The following RDX variants were observed in gnomAD, a reference collection of about 807,000 sequenced individuals.
RDX encodes radixin.
Under a neutral mutation model 83.7 loss-of-function variants are expected in RDX, and 32 were observed. The observed-to-expected ratio is 0.38, with a 90% confidence interval of 0.29 to 0.51. The LOEUF (loss-of-function observed/expected upper bound fraction) is 0.51. Among genes scored for constraint, RDX ranks in the 20% least tolerant of loss-of-function variants. RDX has a pLI of 0.87. For missense variants in RDX, 600 were observed against 689.9 expected (o/e 0.87, Z 1.46); for synonymous variants, 229 against 222.7 (o/e 1.03, Z -0.25).
intron 15 of RDX, among the ~76,000 whole-genome samples, chr11:110,198,487 T>C (rs1041311825): frequency 1.3e-4 from 20 of 152,208 alleles, no homozygotes; most frequent in Non-Finnish European, 2.8e-4. Flanking sequence ...CTGGGTGGCA[T>C]AGCAAAAGCT....
At chr11:110,191,828 C>G (rs2039021236) in intron 15 of RDX, among the ~76,000 whole-genome samples, 2 of 152,106 alleles carry the variant, frequency 1.3e-5, no homozygotes, top group South Asian at 4.2e-4. Context: ...TGTACTCCAG[C>G]CTGGGTGACA....
rs7941769 is a variant in RDX at position 110,187,414 on chromosome 11, G to A, written c.*31+12167C>T. On this transcript the variant is annotated intron_variant, in intron 15 of 15. Coordinates refer to the RDX transcript ENST00000528498. ...GCTTCATGCCCAGGCAGATCTCCAGGCATATAGAGCACCTTCCTACCCAGA... is the reference window on the plus strand; with the variant it reads ...GCTTCATGCCCAGGCAGATCTCCAGACATATAGAGCACCTTCCTACCCAGA... Among the ~76,000 whole-genome samples, 533 of 152,244 alleles carry A rather than the reference G, an allele frequency of 3.5e-3. 5 individuals carry two copies. The highest frequency in any genetic ancestry group is 0.012 in the African/African-American group (511 of 41,520).
chr11:110,233,578 G>A, intron 12 of RDX, 99 bp from the exon 13 acceptor site: 4 of 1,322,024 alleles, frequency 3.0e-6, no homozygotes, highest in Non-Finnish European at 3.2e-6. Flanking sequence ...GTATTTCAAG[G>A]TAATGAAAAT....
intron 6 of RDX, 62 bp downstream of exon 6, chr11:110,258,044 T>G: frequency 2.7e-6 from 4 of 1,467,752 alleles, no homozygotes; most frequent in Non-Finnish European, 3.8e-6. Flanking sequence ...TAATAATAAA[T>G]GTTACGACAT....
intron 5 of RDX, among the ~76,000 whole-genome samples, chr11:110,262,899 T>C (rs748378014): frequency 2.6e-5 from 4 of 152,208 alleles, no homozygotes; most frequent in Admixed American, 6.5e-5. Context: ...ATAGCCATTA[T>C]AGAAGCAGCA....
At chr11:110,271,755 C>A (rs1202727940) in intron 3 of RDX, among the ~76,000 whole-genome samples, 5 of 152,050 alleles carry the variant, frequency 3.3e-5, no homozygotes. Flanking sequence ...GATACCTGAC[C>A]TCCATATCCC....
At chr11:110,291,691 T>C (rs1591192399) in intron 1 of RDX, among the ~76,000 whole-genome samples, 2 of 152,216 alleles carry the variant, frequency 1.3e-5, no homozygotes, top group South Asian at 2.1e-4. Flanking sequence ...CCTGGCTCCT[T>C]TGCAGCAGCC....
chr11:110,201,668 A>C (rs961552776), intron 14 of RDX, among the ~76,000 whole-genome samples: 8 of 152,234 alleles, frequency 5.3e-5, no homozygotes, highest in African/African-American at 1.9e-4. Flanking sequence ...GGGTTAGAAT[A>C]TATATCAAGT....
chr11:110,224,761 C>T (rs1304653841), downstream of RDX, among the ~76,000 whole-genome samples: 1 of 152,182 alleles, frequency 6.6e-6, no homozygotes, highest in Non-Finnish European at 1.5e-5. Flanking sequence ...GAGCAAATTA[C>T]ACTTAGACAT....
chr11:110,288,552 T>C (rs1260560067), intron 1 of RDX, among the ~76,000 whole-genome samples: 1 of 152,210 alleles, frequency 6.6e-6, no homozygotes, highest in Non-Finnish European at 1.5e-5. Flanking sequence ...AATTCTACCC[T>C]TAATGTGCTT....
Position 110,279,773 on chromosome 11 carries a change from AGC to A in RDX, c.-64-19_-64-18del. On this transcript the variant is annotated intron_variant, in intron 1 of 13. Coordinates refer to ENST00000645495, the MANE Select transcript of RDX (RefSeq NM_002906.4). ...TATCACTTTCTGTTAAAAAAAAAAA[AGC>A]ATAATCTATTATCTTTTTATATAAG... is the stretch of plus-strand genomic sequence containing the variant. 8 of 767,714 alleles carry A rather than the reference AGC, an allele frequency of 1.0e-5. No individual in the cohort carries two copies. The highest frequency in any genetic ancestry group is 1.8e-5 in the Non-Finnish European group (8 of 455,114). 47.6% of individuals were successfully genotyped at this position (767,714 alleles called of 1,614,324 possible). A position where few individuals can be genotyped will look rare whatever the true frequency, so the allele number is the denominator to read the frequency against.
rs540535230 is a variant in RDX at position 110,295,731 on chromosome 11, T to C, written c.-65+736A>G. 3.4e-4 allele frequency among the ~76,000 whole-genome samples: 51 copies of C among 151,522 alleles called. 2 individuals carry two copies. In the South Asian group the frequency reaches 5.6e-3, roughly 17 times the overall value. On this transcript the variant is annotated intron_variant, in intron 1 of 13. Transcript: ENST00000645495. ...AATCCTTTAAAGGAAAAGAGGGATATCATGTACTGAACTTGTCTGGTGGGG... is the reference window on the plus strand; with the variant it reads ...AATCCTTTAAAGGAAAAGAGGGATACCATGTACTGAACTTGTCTGGTGGGG...
intron 15 of RDX, among the ~76,000 whole-genome samples, chr11:110,196,461 A>G (rs550051170): frequency 2.0e-5 from 3 of 152,368 alleles, no homozygotes; most frequent in African/African-American, 4.8e-5. Context: ...GGAGTCTCAC[A>G]TATAGATTTT....
chr11:110,257,667 G>T, intron 7 of RDX, 100 bp downstream of exon 7: 1 of 1,186,434 alleles, frequency 8.4e-7, no homozygotes, highest in African/African-American at 1.5e-5. Flanking sequence ...AATAGTAAGG[G>T]TAATCAAGAC....
chr11:110,281,528 T>C (rs1860760591), intron 1 of RDX, among the ~76,000 whole-genome samples: 1 of 152,180 alleles, frequency 6.6e-6, no homozygotes, highest in Non-Finnish European at 1.5e-5. Context: ...GGTTTCATCA[T>C]GTTGGCCAGG....
chr11:110,213,106 T>C (rs1863902231), intron 14 of RDX, among the ~76,000 whole-genome samples: 1 of 151,734 alleles, frequency 6.6e-6, no homozygotes, highest in South Asian at 2.1e-4. Context: ...CAGCCCCAAA[T>C]CTCCTTAAGC....
In RDX at chr11:110,279,729, CCACTT is replaced by C. The variant is rs753722542; in HGVS notation, c.-42_-38del. ...TTTTGTTACCTTCTTTAAAAATTCT[CCACTT>C]CAATGAATTCTGTTATCACTTTCTG... On this transcript the variant is annotated 5_prime_UTR_variant, in exon 2 of 14. Transcript: ENST00000645495. 42 of 1,411,878 alleles carry C rather than the reference CCACTT, an allele frequency of 3.0e-5. No individual in the cohort carries two copies. Among genetic ancestry groups the C allele is most frequent in the Non-Finnish European group, 3.8e-5 (38 of 1,001,722 alleles). 87.5% of individuals were successfully genotyped at this position (1,411,878 alleles called of 1,614,324 possible).
chr11:110,255,069 CAAAT>C (rs1430553438), intron 8 of RDX, among the ~76,000 whole-genome samples: 2 of 152,064 alleles, frequency 1.3e-5, no homozygotes, highest in African/African-American at 2.4e-5. Flanking sequence ...AACTGAATCT[CAAAT>C]AAAATAAAAT....
rs200606799 is a variant in RDX, at chr11:110,279,643, T to C, written c.12+38A>G. On this transcript the variant is annotated intron_variant, in intron 2 of 13. Transcript: ENST00000645495. ...CCAAAACGAATTTAATGATATCTTA[T>C]TATTGAGACACTGTCAAATGTAATA... 4.4e-4 allele frequency: 604 copies of C among 1,357,834 alleles called. 5 individuals are homozygous for C. Among genetic ancestry groups the C allele is most frequent in the Non-Finnish European group, 9.2e-5 (87 of 950,416 alleles). The allele number at this position is 1,357,834 out of a possible 1,614,324, so 84.1% of individuals were successfully genotyped here. A position where few individuals can be genotyped will look rare whatever the true frequency, so the allele number is the denominator to read the frequency against.
Sources: allele counts gnomAD v4.1 joint callset (sites outside exome capture counted in the v4.1 genomes callset), GRCh38; gene constraint gnomAD v4.1.1; transcripts MANE v1.5; gene names NCBI Gene and HGNC (gene_info 2026-07-23, HGNC 2026-07-21).